RNASEL: variants seen among roughly 807,000 people sequenced by gnomAD.
RNASEL encodes 2-5A-dependent ribonuclease.
RNASEL carries 36 observed loss-of-function variants against 50.9 expected under a neutral mutation model. The observed-to-expected ratio is 0.71, with a 90% CI of 0.54 to 0.93. The LOEUF (loss-of-function observed/expected upper bound fraction) is 0.93. Among genes scored for constraint, RNASEL ranks in the 40% least tolerant of loss-of-function variants. The pLI, the probability that RNASEL is intolerant of heterozygous loss-of-function variation, is 0.00. For missense variants in RNASEL, 860 were observed against 894.5 expected, an observed-to-expected ratio of 0.96 and a Z score of 0.49; for synonymous variants, 335 against 335.6, an observed-to-expected ratio of 1.00 and a Z score of 0.02.
chr1:182,581,127 T>C (rs1431879262), intron 5 of RNASEL, 98 bp downstream of exon 5: 72 of 1,580,194 alleles, frequency 4.6e-5, no homozygotes, highest in Non-Finnish European at 4.6e-5. Context: ...GAGCCTCTGG[T>C]TTGCCACTGG....
In RNASEL at chr1:182,575,424, C is replaced by T. The variant is rs146621360; in HGVS notation, c.2194G>A (p.Gly732Arg). Residue 732 changes from glycine (G) to arginine (R), a missense_variant, in exon 7 of 7, where the codon GGG (glycine) becomes AGG (arginine). Transcript: ENST00000367559. Reference sequence around the variant, plus strand: ...CCAGGGCTGGCCAACCCACTGGCCCCACCAGCTCCATCACACTGAGGCTTG... The same window carrying T: ...CCAGGGCTGGCCAACCCACTGGCCCTACCAGCTCCATCACACTGAGGCTTG... ...PNKPQCDGAG[G>R]ASGLASPGC The T allele has an allele frequency of 3.2e-5, 52 of 1,614,062 alleles. No homozygotes were observed. The African/African-American group carries it at 6.0e-4, about 19-fold the overall frequency.
intron 4 of RNASEL, 35 bp downstream of exon 4, chr1:182,582,017 TG>T: frequency 6.3e-7 from 1 of 1,585,100 alleles, no homozygotes; most frequent in Non-Finnish European, 8.7e-7. Context: ...CTTTCCATCC[TG>T]GAGGCCTGTG....
rs775389426 is a variant in RNASEL, at chr1:182,585,522, G to A, written c.1285C>T (p.His429Tyr). 17 of 1,613,998 alleles carry A rather than the reference G, an allele frequency of 1.1e-5. No homozygotes were observed. In the South Asian group the frequency reaches 1.9e-4, roughly 18 times the overall value. The change falls in exon 2 of 7, where the codon CAC becomes TAC. Residue 429 changes from histidine to tyrosine, a missense_variant. By Grantham distance (83) the His-to-Tyr change is moderately conservative. Coordinates refer to ENST00000367559, the MANE Select transcript of RNASEL (RefSeq NM_021133.4). ...CAGAGGGTGACACACACAAACAAGT[G>A]GCCCCTGTGGCTCTCACTCCCATAG... ...TFYGSESHRG[H>Y]LFVCVTLCEQ...
chr1:182,585,115 G>C (rs1420977783), intron 2 of RNASEL, among the ~76,000 whole-genome samples: 1 of 152,168 alleles, frequency 6.6e-6, no homozygotes, highest in Admixed American at 6.5e-5. Context: ...TATTCTGTTG[G>C]CATCTACCAA....
Position 182,576,355 on chromosome 1 carries a change from A to G in RNASEL, c.1940T>C (p.Phe647Ser). 6.3e-7 allele frequency: 1 copy of G among 1,597,638 alleles called. No individual in the cohort carries two copies. The highest frequency in any genetic ancestry group is 8.6e-7 in the Non-Finnish European group (1 of 1,166,328). Reference protein sequence around the residue: ...NECVMKKMNKFYEKRGNFYQN... With the variant: ...NECVMKKMNKSYEKRGNFYQN... ...GTAGAAATTGCCTCTTTTTTCATAAAACTTATTCATTTTTTTCATAACACA... is the reference window on the plus strand; with the variant it reads ...GTAGAAATTGCCTCTTTTTTCATAAGACTTATTCATTTTTTTCATAACACA... Residue 647 changes from phenylalanine (F) to serine (S), a missense_variant, in exon 6 of 7, where the codon TTT becomes TCT. Transcript: ENST00000367559.
In RNASEL at chr1:182,585,507, C is replaced by T; in HGVS notation, c.1300G>A (p.Val434Ile). Residue 434 changes from valine (V) to isoleucine (I), a missense_variant, in exon 2 of 7, where the codon GTC becomes ATC. Coordinates refer to ENST00000367559, the MANE Select transcript of RNASEL (RefSeq NM_021133.4). ...ESHRGHLFVCVTLCEQTLEAC... is the reference protein window; with the variant it reads ...ESHRGHLFVCITLCEQTLEAC... ...TCCAGAGTCTGCTCACAGAGGGTGA[C>T]ACACACAAACAAGTGGCCCCTGTGG... is the stretch of plus-strand genomic sequence containing the variant. 1.9e-6 allele frequency: 3 copies of T among 1,614,182 alleles called. No homozygotes were observed. Among genetic ancestry groups the T allele is most frequent in the Non-Finnish European group, 2.5e-6 (3 of 1,180,012 alleles).
intron 1 of RNASEL, among the ~76,000 whole-genome samples, chr1:182,587,700 T>C (rs914675596): frequency 6.7e-6 from 1 of 149,692 alleles, no homozygotes; most frequent in African/African-American, 2.5e-5. Flanking sequence ...ATAAGAAAAA[T>C]ATATTTCTTG....
chr1:182,577,786 CACAT>C (rs1185938875), intron 5 of RNASEL, among the ~76,000 whole-genome samples: 8 of 152,088 alleles, frequency 5.3e-5, no homozygotes, highest in Non-Finnish European at 1.2e-4. Context: ...TAAAAATAGA[CACAT>C]AGATCAATGG....
At chr1:182,581,977 A>C in intron 4 of RNASEL, 76 bp downstream of exon 4, 1 of 1,318,314 alleles carries the variant, frequency 7.6e-7, no homozygotes, top group Non-Finnish European at 1.1e-6. Flanking sequence ...CCTGATTTGC[A>C]GCCCAGACTT....
At position 182,576,273 on chromosome 1, in the gene RNASEL, A is replaced by T. The variant is rs1041111470; in HGVS notation, c.2022T>A (p.Asp674Glu). 3.7e-6 allele frequency: 6 copies of T among 1,611,788 alleles called. No homozygotes were observed. The highest frequency in any genetic ancestry group is 5.1e-6 in the Non-Finnish European group (6 of 1,178,678). The change falls in exon 6 of 7, where the codon GAT becomes GAA. Residue 674 changes from aspartate (D) to glutamate (E), a missense_variant. By Grantham distance (45) the Asp-to-Glu change is conservative. Coordinates refer to ENST00000367559, the MANE Select transcript of RNASEL (RefSeq NM_021133.4). The stretch of plus-strand genomic sequence containing the variant: ...ATACTTACTTTTTATGCTTTTCTTC[A>T]TCAATGTGTTCTCCCAAATTCCGGA... ...KFIRNLGEHIDEEKHKKMKLK... is the reference protein window; with the variant it reads ...KFIRNLGEHIEEEKHKKMKLK...
At chr1:182,580,331 G>A (rs1661467274) in intron 5 of RNASEL, among the ~76,000 whole-genome samples, 1 of 152,206 alleles carries the variant, frequency 6.6e-6, no homozygotes, top group Admixed American at 6.5e-5. Flanking sequence ...GTAATTATGA[G>A]TGTGATGTGC....
Position 182,576,404 on chromosome 1 carries a change from A to C in RNASEL, c.1906-15T>G. Reference sequence around the variant, plus strand: ...CATTCATTAATCTAAAAAAACAAAAAATAACACAAAAATGTGGTAGCAACA... The same window carrying C: ...CATTCATTAATCTAAAAAAACAAAACATAACACAAAAATGTGGTAGCAACA... On this transcript the variant is annotated splice_polypyrimidine_tract_variant and intron_variant, in intron 5 of 6. Coordinates refer to ENST00000367559, the MANE Select transcript of RNASEL (RefSeq NM_021133.4). The C allele has an allele frequency of 6.5e-7, 1 of 1,538,548 alleles. No homozygotes were observed. The highest frequency in any genetic ancestry group is 8.9e-7 in the Non-Finnish European group (1 of 1,117,848).
At chr1:182,575,730 G>T in intron 6 of RNASEL, 152 bp from the exon 7 acceptor site, 1 of 983,956 alleles carries the variant, frequency 1.0e-6, no homozygotes, top group Non-Finnish European at 1.5e-6. Flanking sequence ...CTCCTCCCCT[G>T]ACTCTTCAAC....
In RNASEL at chr1:182,582,233, A is replaced by G. The variant is rs1454569560; in HGVS notation, c.1592T>C (p.Val531Ala). 6.2e-7 allele frequency: 1 copy of G among 1,614,030 alleles called. No homozygotes were observed. Among genetic ancestry groups the G allele is most frequent in the Non-Finnish European group, 8.5e-7 (1 of 1,180,008 alleles). Residue 531 changes from valine (V) to alanine (A), a missense_variant, in exon 4 of 7, where the codon GTG becomes GCG. Coordinates refer to ENST00000367559, the MANE Select transcript of RNASEL (RefSeq NM_021133.4). ...AAATGAGATGCTTCCCTTCTTTACC[A>G]CATAGAGGACCAGCCGTCCAAGGTC... ...LEDLGRLVLYVVKKGSISFED... is the reference protein window; with the variant it reads ...LEDLGRLVLYAVKKGSISFED...
At chr1:182,587,048 AT>A (rs1661614841) in intron 1 of RNASEL, 78 bp from the exon 2 acceptor site, 1 of 398,280 alleles carries the variant, frequency 2.5e-6, no homozygotes, top group Non-Finnish European at 4.5e-6. Flanking sequence ...TTATATTAGC[AT>A]TTTTTCTAAA....
At chr1:182,581,674 G>T (rs2102366864) in intron 4 of RNASEL, among the ~76,000 whole-genome samples, 1 of 151,754 alleles carries the variant, frequency 6.6e-6, no homozygotes, top group South Asian at 2.1e-4. Flanking sequence ...TAGAGACGGG[G>T]TTTCACCATG....
Position 182,575,109 on chromosome 1 carries a change from C to T in RNASEL, c.*283G>A. The stretch of plus-strand genomic sequence containing the variant: ...TTAAGTGAGAGAATTGTAACATATG[C>T]AGCATTAGGGGTCAAGGCACTCATT... On this transcript the variant is annotated 3_prime_UTR_variant, in exon 7 of 7. Transcript: ENST00000367559. The T allele has an allele frequency of 2.2e-6, 1 of 464,698 alleles. No individual in the cohort carries two copies. The highest frequency in any genetic ancestry group is 2.8e-5 in the South Asian group (1 of 35,618). 28.8% of individuals were successfully genotyped at this position (464,698 alleles called of 1,614,324 possible). A position where few individuals can be genotyped will look rare whatever the true frequency, so the allele number is the denominator to read the frequency against.
In RNASEL at chr1:182,574,791, G is replaced by A. The variant is rs534357725; in HGVS notation, c.*601C>T. The A allele has an allele frequency of 2.2e-5, 5 of 232,432 alleles. No individual in the cohort carries two copies. The highest frequency in any genetic ancestry group is 5.7e-5 in the Admixed American group (1 of 17,696). The allele number at this position is 232,432 out of a possible 1,614,324, so 14.4% of individuals were successfully genotyped here. On this transcript the variant is annotated 3_prime_UTR_variant, in exon 7 of 7. Transcript: ENST00000367559. ...AATGCAGTTGGTTCTGGAAGGAGTG[G>A]AATTCATGCATCCAGTGCCCAGACT...
At chr1:182,579,838 C>T (rs1411289493) in intron 5 of RNASEL, 1 of 692,108 alleles carries the variant, frequency 1.4e-6, no homozygotes, top group Non-Finnish European at 2.3e-6. Flanking sequence ...GCCTCAATTT[C>T]CTCAGTGAGT....
Sources: allele counts gnomAD v4.1 joint callset (sites outside exome capture counted in the v4.1 genomes callset), GRCh38; gene constraint gnomAD v4.1.1; transcripts MANE v1.5; gene names NCBI Gene and HGNC (gene_info 2026-07-23, HGNC 2026-07-21).